Variants in FARS2 observed in about 807,000 individuals in gnomAD.
FARS2 encodes phenylalanyl-tRNA synthetase 2, mitochondrial.
FARS2 carries 40 observed loss-of-function variants against 46.4 expected under a neutral mutation model. That is an observed-to-expected ratio of 0.86 (90% CI 0.67 to 1.12). The LOEUF (loss-of-function observed/expected upper bound fraction) is 1.12, where lower values mean the gene tolerates loss of function less well. FARS2 is among the 50% of genes most tolerant of loss of function. The pLI is 0.00. For synonymous variants in FARS2, 234 were observed against 214.9 expected (o/e 1.09, Z -0.78); for missense variants, 513 against 567.9 (o/e 0.90, Z 0.98).
intron 4 of FARS2, among the ~76,000 whole-genome samples, chr6:5,487,751 G>C (rs1042086589): frequency 1.3e-5 from 2 of 152,156 alleles, no homozygotes; most frequent in Non-Finnish European, 2.9e-5. Flanking sequence ...GAAAATGAAT[G>C]GTTTGACCAG....
chr6:5,677,857 G>A (rs1349380385), intron 6 of FARS2, among the ~76,000 whole-genome samples: 3 of 152,180 alleles, frequency 2.0e-5, no homozygotes, highest in South Asian at 4.1e-4. Flanking sequence ...CAGCACCAAG[G>A]AGGAGTGCAG....
At chr6:5,283,225 T>TC (rs1561930370) in intron 1 of FARS2, among the ~76,000 whole-genome samples, 1 of 151,826 alleles carries the variant, frequency 6.6e-6, no homozygotes, top group Non-Finnish European at 1.5e-5. Context: ...ATACAAAAAT[T>TC]AGCTGGGCAT....
At position 5,384,110 on chromosome 6, in the gene FARS2, A is replaced by G. The variant is rs139168101; in HGVS notation, c.612+14928A>G. The stretch of plus-strand genomic sequence containing the variant: ...GAATGGGGTGTTTTTTGTTGTTGTC[A>G]TTGTGCTTTTTGCCTTGACACATGG... On this transcript the variant is annotated intron_variant, in intron 2 of 6. Coordinates refer to ENST00000274680, the MANE Select transcript of FARS2 (RefSeq NM_006567.5). 3.8e-3 allele frequency among the ~76,000 whole-genome samples: 575 copies of G among 152,236 alleles called. 4 individuals are homozygous for G. The highest frequency in any genetic ancestry group is 8.4e-3 in the Admixed American group (129 of 15,292).
At chr6:5,398,349 G>T (rs1238797865) in intron 2 of FARS2, among the ~76,000 whole-genome samples, 1 of 151,900 alleles carries the variant, frequency 6.6e-6, no homozygotes. Flanking sequence ...TATCAGTATG[G>T]CTTCATGAAT....
At chr6:5,707,660 G>A (rs1758841273) in intron 6 of FARS2, among the ~76,000 whole-genome samples, 1 of 152,242 alleles carries the variant, frequency 6.6e-6, no homozygotes, top group Admixed American at 6.5e-5. Context: ...TGCCTCCCCA[G>A]GAGGGGAAGG....
At chr6:5,509,340 A>G (rs1768290467) in intron 4 of FARS2, among the ~76,000 whole-genome samples, 1 of 152,198 alleles carries the variant, frequency 6.6e-6, no homozygotes, top group Non-Finnish European at 1.5e-5. Context: ...AGAGAAAGGG[A>G]ACAAGTTACA....
chr6:5,711,656 A>G (rs533301929), intron 6 of FARS2, among the ~76,000 whole-genome samples: 1 of 152,302 alleles, frequency 6.6e-6, no homozygotes, highest in East Asian at 1.9e-4. Flanking sequence ...AATAAGACAC[A>G]TGTCAATAGA....
chr6:5,604,562 CTG>C (rs1179993978), intron 5 of FARS2, among the ~76,000 whole-genome samples: 1 of 152,164 alleles, frequency 6.6e-6, no homozygotes, highest in Non-Finnish European at 1.5e-5. Flanking sequence ...AACCACAGAA[CTG>C]TGAGCTGCAG....
chr6:5,563,949 A>G (rs1263199990), intron 5 of FARS2, among the ~76,000 whole-genome samples: 2 of 152,170 alleles, frequency 1.3e-5, no homozygotes, highest in Non-Finnish European at 2.9e-5. Flanking sequence ...ATTTTCTTCT[A>G]CTTTACTAGA....
Position 5,358,466 on chromosome 6 carries a change from A to C in FARS2, c.-21-10084A>C, listed in dbSNP as rs569415646. Among the ~76,000 whole-genome samples, 4 of 152,304 alleles carry C rather than the reference A, an allele frequency of 2.6e-5. No individual in the cohort carries two copies. The East Asian group carries it at 7.7e-4, about 29-fold the overall frequency. ...AATGATTTTGTTGAGATGCTTAAAA[A>C]CATGAAGGATGATTTTGATATTTTT... On this transcript the variant is annotated intron_variant, in intron 1 of 6. Coordinates refer to ENST00000274680, the MANE Select transcript of FARS2 (RefSeq NM_006567.5).
rs534091908 is a variant in FARS2, at chr6:5,559,435, T to C, written c.1065+14095T>C. On this transcript the variant is annotated intron_variant, in intron 5 of 6. Coordinates refer to ENST00000274680, the MANE Select transcript of FARS2 (RefSeq NM_006567.5). ...AACAAACAAAAAAACAGTAAAAACA[T>C]TAGAAATGCAGTTGAAACACCTACG... 2.6e-5 allele frequency among the ~76,000 whole-genome samples: 4 copies of C among 152,178 alleles called. No individual in the cohort carries two copies. In the East Asian group the frequency reaches 7.7e-4, roughly 29 times the overall value.
intron 1 of FARS2, among the ~76,000 whole-genome samples, chr6:5,310,566 G>T (rs1360005760): frequency 2.0e-5 from 3 of 151,952 alleles, no homozygotes; most frequent in African/African-American, 7.2e-5. Context: ...ACATTTTTTT[G>T]TGTGTGTGCG....
At chr6:5,262,056 T>C (rs945241866) in intron 1 of FARS2, among the ~76,000 whole-genome samples, 15 of 152,224 alleles carry the variant, frequency 9.9e-5, no homozygotes, top group African/African-American at 3.6e-4. Context: ...GTTTTTGGAA[T>C]CTTGCTTTAT....
chr6:5,595,754 C>T lies in FARS2; in HGVS notation c.1066-17415C>T, dbSNP rs116938496. ...AAAATAGTAAACATGTATATGTTTA[C>T]GATACGCTTACCGACGCTGACACCT... On this transcript the variant is annotated intron_variant, in intron 5 of 6. Transcript: ENST00000274680. 2.4e-3 allele frequency among the ~76,000 whole-genome samples: 368 copies of T among 152,228 alleles called. 14 individuals are homozygous for T. The East Asian group carries it at 0.057, about 24-fold the overall frequency.
At chr6:5,485,287 G>GAATTGTTTTAA (rs1313321660) in intron 4 of FARS2, among the ~76,000 whole-genome samples, 1 of 152,168 alleles carries the variant, frequency 6.6e-6, no homozygotes, top group East Asian at 1.9e-4. Flanking sequence ...TAAGACATGA[G>GAATTGTTTTAA]ATAATGAATG....
chr6:5,536,284 G>A (rs193053612), intron 4 of FARS2, among the ~76,000 whole-genome samples: 23 of 152,198 alleles, frequency 1.5e-4, no homozygotes, highest in Admixed American at 1.5e-3. Context: ...GCCCACCTCG[G>A]CCTCCCAAAG....
chr6:5,654,093 C>T (rs1777497138), intron 6 of FARS2, among the ~76,000 whole-genome samples: 1 of 152,176 alleles, frequency 6.6e-6, no homozygotes, highest in Non-Finnish European at 1.5e-5. Flanking sequence ...GAAGCTTCTG[C>T]CCTGACCCTT....
rs116353839 is a variant in FARS2, at chr6:5,328,667, G to A, written c.-21-39883G>A. ...GAGGACTGATGGCAGCGTATTTATGGTATCTCGGTGACTCCTACCTTAACC... is the reference window on the plus strand; with the variant it reads ...GAGGACTGATGGCAGCGTATTTATGATATCTCGGTGACTCCTACCTTAACC... On this transcript the variant is annotated intron_variant, in intron 1 of 6. Transcript: ENST00000274680. Among the ~76,000 whole-genome samples the A allele has an allele frequency of 8.3e-3, 1,267 of 152,006 alleles. 14 individuals are homozygous for A. The highest frequency in any genetic ancestry group is 0.029 in the African/African-American group (1,190 of 41,444).
intron 5 of FARS2, among the ~76,000 whole-genome samples, chr6:5,571,963 C>T (rs1772679727): frequency 6.6e-6 from 1 of 152,204 alleles, no homozygotes; most frequent in South Asian, 2.1e-4. Context: ...TCACCTGCAG[C>T]CTCAGCTCCC....
Sources: allele counts gnomAD v4.1 joint callset (sites outside exome capture counted in the v4.1 genomes callset), GRCh38; gene constraint gnomAD v4.1.1; transcripts MANE v1.5; gene names NCBI Gene and HGNC (gene_info 2026-07-23, HGNC 2026-07-21).